The following ZNF2 variants were observed in gnomAD, a reference collection of about 807,000 sequenced individuals.
ZNF2 encodes zinc finger protein 2, also known as zinc finger protein 2.2.
Under a neutral mutation model 21.9 loss-of-function variants are expected in ZNF2, and 12 were observed. The ratio of observed to expected loss-of-function variants is 0.55; its 90% confidence interval spans 0.35 to 0.89. ZNF2 has a LOEUF of 0.89. Ranked by LOEUF, ZNF2 falls within the 40% of genes least tolerant of loss-of-function variation. The probability of loss-of-function intolerance (pLI) is 0.01; values close to 1 mark genes in which losing one functional copy is unlikely to be tolerated. For synonymous variants in ZNF2, 186 were observed against 196.3 expected (o/e 0.95, Z 0.44); for missense variants, 462 against 544.2 (o/e 0.85, Z 1.50).
intron 1 of ZNF2, among the ~76,000 whole-genome samples, chr2:95,167,847 CAA>C (rs113305303): frequency 2.8e-4 from 19 of 67,398 alleles, no homozygotes; most frequent in Non-Finnish European, 3.3e-4. Flanking sequence ...AATTCCGTCT[CAA>C]AAAAAAAAAA....
chr2:95,167,263 G>A (rs1674096070), intron 1 of ZNF2, among the ~76,000 whole-genome samples: 3 of 152,178 alleles, frequency 2.0e-5, no homozygotes, highest in Admixed American at 1.3e-4. Flanking sequence ...CCAGCACTTT[G>A]GGAGTCTGAG....
At chr2:95,169,472 C>T (rs1573392667) in intron 1 of ZNF2, among the ~76,000 whole-genome samples, 3 of 152,062 alleles carry the variant, frequency 2.0e-5, no homozygotes, top group Non-Finnish European at 4.4e-5. Flanking sequence ...AGCAGCAACT[C>T]GGCCAGGCGC....
intron 3 of ZNF2, among the ~76,000 whole-genome samples, chr2:95,179,147 A>G (rs1420428177): frequency 2.0e-5 from 3 of 152,040 alleles, no homozygotes; most frequent in African/African-American, 2.4e-5. Context: ...ATGGGCCACC[A>G]TGCCCTGCTA....
chr2:95,178,735 T>C (rs1020738691), intron 3 of ZNF2, among the ~76,000 whole-genome samples: 2 of 152,198 alleles, frequency 1.3e-5, no homozygotes, highest in African/African-American at 4.8e-5. Flanking sequence ...ATAATAGGAC[T>C]AGTAGTCCAT....
rs1418519361 is a variant in ZNF2 at position 95,176,308 on chromosome 2, G to GT, written c.33+50dup. 4 of 1,612,636 alleles carry GT rather than the reference G, an allele frequency of 2.5e-6. No homozygotes were observed. The South Asian group carries it at 4.4e-5, about 18-fold the overall frequency. On this transcript the variant is annotated intron_variant, in intron 2 of 4. Transcript: ENST00000614034. ...GAAATACTCCATTCATCTCCAGAATGTAACCACTTTTCTTTCTCTATCCTG... is the reference window on the plus strand; with the variant it reads ...GAAATACTCCATTCATCTCCAGAATGTTAACCACTTTTCTTTCTCTATCCTG...
At chr2:95,173,343 T>A (rs1389236753) in intron 1 of ZNF2, among the ~76,000 whole-genome samples, 1 of 152,218 alleles carries the variant, frequency 6.6e-6, no homozygotes, top group Non-Finnish European at 1.5e-5. Context: ...TTGTTTGCAG[T>A]TTATCACTAG....
At chr2:95,177,015 T>C (rs561053835) in intron 2 of ZNF2, among the ~76,000 whole-genome samples, 3 of 152,350 alleles carry the variant, frequency 2.0e-5, no homozygotes. Flanking sequence ...ATAGTTATAC[T>C]GTGATTATAA....
intron 1 of ZNF2, among the ~76,000 whole-genome samples, chr2:95,173,586 T>C (rs920644439): frequency 3.9e-5 from 6 of 152,236 alleles, no homozygotes; most frequent in African/African-American, 1.4e-4. Flanking sequence ...TGTAAAATAG[T>C]GCCTACCTTA....
chr2:95,183,382 A>G lies in ZNF2; in HGVS notation c.*1276A>G, dbSNP rs1573407856. ...GCTAGGAAAGTAAACAAGCACCTCG[A>G]AAGTTGGTTAATACCAAGAACCTCT... On this transcript the variant is annotated 3_prime_UTR_variant, in exon 5 of 5. Transcript: ENST00000614034. 6.6e-6 allele frequency: 1 copy of G among 152,218 alleles called. No homozygotes were observed. The highest frequency in any genetic ancestry group is 6.5e-5 in the Admixed American group (1 of 15,276). 9.4% of individuals were successfully genotyped at this position (152,218 alleles called of 1,614,324 possible).
Position 95,172,789 on chromosome 2 carries a change from A to G in ZNF2, c.-39-3399A>G, listed in dbSNP as rs924877449. The stretch of plus-strand genomic sequence containing the variant: ...GTAGCTGGCACTACAGCCACGTGCC[A>G]TCATGCCTGGCTAATTTTTGTATTT... On this transcript the variant is annotated intron_variant, in intron 1 of 4. Transcript: ENST00000614034. Among the ~76,000 whole-genome samples the G allele has an allele frequency of 2.4e-4, 37 of 151,964 alleles. 1 individual carries two copies. The highest frequency in any genetic ancestry group is 5.9e-5 in the Non-Finnish European group (4 of 67,978).
intron 1 of ZNF2, among the ~76,000 whole-genome samples, chr2:95,174,508 C>T (rs1674377923): frequency 6.6e-6 from 1 of 152,154 alleles, no homozygotes; most frequent in African/African-American, 2.4e-5. Context: ...GTTGTTAATC[C>T]TTTCCATGTA....
chr2:95,182,157 G>A lies in ZNF2; in HGVS notation c.*51G>A, dbSNP rs747192441. 2 of 1,542,904 alleles carry A rather than the reference G, an allele frequency of 1.3e-6. No individual in the cohort carries two copies. Among genetic ancestry groups the A allele is most frequent in the South Asian group, 2.6e-5 (2 of 78,316 alleles). ...AGAACTTCCATACAAATTTGAGATA[G>A]ATCTCGCCTGTCTTAAAGCTGCCAT... On this transcript the variant is annotated 3_prime_UTR_variant, in exon 5 of 5. Transcript: ENST00000614034.
At chr2:95,176,106 G>A (rs1674431517) in intron 1 of ZNF2, 82 bp from the exon 2 acceptor site, 6 of 1,222,548 alleles carry the variant, frequency 4.9e-6, no homozygotes, top group Middle Eastern at 2.5e-4. Flanking sequence ...CCCCTGGTAT[G>A]TGCTTCATGG....
intron 1 of ZNF2, among the ~76,000 whole-genome samples, chr2:95,174,787 T>G (rs1674387261): frequency 6.6e-6 from 1 of 152,224 alleles, no homozygotes; most frequent in South Asian, 2.1e-4. Flanking sequence ...AAGCTATAGC[T>G]TCTGGAGGAC....
chr2:95,173,417 G>T (rs137938575), intron 1 of ZNF2, among the ~76,000 whole-genome samples: 144 of 152,246 alleles, frequency 9.5e-4, no homozygotes, highest in Admixed American at 2.0e-3. Context: ...CTAATGTTTG[G>T]ATATGTTTTG....
At position 95,182,243 on chromosome 2, in the gene ZNF2, A is replaced by C; in HGVS notation, c.*137A>C. ...GTCCTGCTTCTGCGCCAGAGTGTTT[A>C]ATAAGCACTCCCTTCCTGCTGTGTT... On this transcript the variant is annotated 3_prime_UTR_variant, in exon 5 of 5. Coordinates refer to ENST00000614034, the MANE Select transcript of ZNF2 (RefSeq NM_021088.4). 1 of 1,077,544 alleles carries C rather than the reference A, an allele frequency of 9.3e-7. No homozygotes were observed. The highest frequency in any genetic ancestry group is 1.3e-6 in the Non-Finnish European group (1 of 760,986). 66.7% of individuals were successfully genotyped at this position (1,077,544 alleles called of 1,614,324 possible).
intron 1 of ZNF2, among the ~76,000 whole-genome samples, chr2:95,166,563 G>A (rs1674049636): frequency 1.3e-5 from 2 of 152,150 alleles, no homozygotes; most frequent in Admixed American, 6.5e-5. Context: ...TCACATTCAG[G>A]ACTAGAGAGG....
rs760453004 is a variant in ZNF2, at chr2:95,181,303, CG to C, written c.477del (p.Ser160GlnfsTer61). 1 of 1,614,226 alleles carries C rather than the reference CG, an allele frequency of 6.2e-7. No individual in the cohort carries two copies. Among genetic ancestry groups the C allele is most frequent in the East Asian group, 2.2e-5 (1 of 44,872 alleles). ...CTCCCGGGACAAAGGCTTGCGGCGA[CG>C]GTCAGCCCTGTCCAGGGAAATTCTC... ...SLSRDKGLRR[R>X]SALSREILTK... On this transcript the variant is annotated frameshift_variant, in exon 5 of 5. Transcript: ENST00000614034. LOFTEE classifies it high-confidence loss of function.
intron 1 of ZNF2, among the ~76,000 whole-genome samples, chr2:95,171,395 T>C (rs923150076): frequency 8.6e-5 from 13 of 151,832 alleles, no homozygotes; most frequent in Non-Finnish European, 1.3e-4. Context: ...TTTTTTTTTT[T>C]TCCCCGACTC....
Sources: allele counts gnomAD v4.1 joint callset (sites outside exome capture counted in the v4.1 genomes callset), GRCh38; gene constraint gnomAD v4.1.1; transcripts MANE v1.5; gene names NCBI Gene and HGNC (gene_info 2026-07-23, HGNC 2026-07-21).